NECTIN3: variants seen among roughly 807,000 people sequenced by gnomAD.
NECTIN3 encodes the protein nectin cell adhesion molecule 3.
In NECTIN3, 8 loss-of-function variants were observed where a neutral mutation model predicts 49.4. That is an observed-to-expected ratio of 0.16 (90% CI 0.10 to 0.29). The LOEUF (loss-of-function observed/expected upper bound fraction) is 0.29. Among genes scored for constraint, NECTIN3 ranks in the 10% least tolerant of loss-of-function variants. NECTIN3 has a pLI of 1.00. For missense variants in NECTIN3, 581 were observed against 654.6 expected, an observed-to-expected ratio of 0.89 and a Z score of 1.23; for synonymous variants, 277 against 241.1, an observed-to-expected ratio of 1.15 and a Z score of -1.38.
intron 7 of NECTIN3, among the ~76,000 whole-genome samples, chr3:111,156,068 G>A (rs569103132): frequency 2.0e-5 from 3 of 152,230 alleles, no homozygotes; most frequent in South Asian, 2.1e-4. Flanking sequence ...GTAGCCTGAC[G>A]TTGAGTTGCT....
rs1370606448 is a variant in NECTIN3 at position 111,126,229 on chromosome 3, T to G, written c.963T>G (p.Thr321=). 1 of 1,609,396 alleles carries G rather than the reference T, an allele frequency of 6.2e-7. No individual in the cohort carries two copies. The highest frequency in any genetic ancestry group is 2.0e-4 in the Middle Eastern group (1 of 4,898). Residue 321 remains threonine, a synonymous_variant, in exon 5 of 6, where the codon ACT becomes ACG. Transcript: ENST00000485303. ...ATGGTTTATTGGCTTCAGACAATAC[T>G]CTTCATTTTGTCCATCCATTGACTT... is the stretch of plus-strand genomic sequence containing the variant. ...WPDGLLASDN[T]LHFVHPLTFN... is the part of the protein sequence containing the mutation.
chr3:111,078,634 A>G (rs748718537), intron 1 of NECTIN3, among the ~76,000 whole-genome samples: 12 of 152,324 alleles, frequency 7.9e-5, no homozygotes, highest in Non-Finnish European at 1.6e-4. Context: ...AGAATACACT[A>G]TAGGAATATA....
At chr3:111,072,713 C>T in intron 1 of NECTIN3, 1 of 858,696 alleles carries the variant, frequency 1.2e-6, no homozygotes, top group Non-Finnish European at 1.8e-6. Context: ...TGTCTTGTGC[C>T]CACTCCCCCG....
chr3:111,122,599 G>T (rs2034001964), intron 4 of NECTIN3, among the ~76,000 whole-genome samples: 1 of 151,994 alleles, frequency 6.6e-6, no homozygotes, highest in African/African-American at 2.4e-5. Context: ...ACCTTTCATA[G>T]TCCAAACGAA....
chr3:111,077,065 T>C (rs2031253488), intron 1 of NECTIN3: 2 of 172,688 alleles, frequency 1.2e-5, no homozygotes, highest in Admixed American at 5.9e-5. Flanking sequence ...AACTTATCAA[T>C]TACAAATTTT....
chr3:111,094,221 G>A (rs968579560), intron 1 of NECTIN3, among the ~76,000 whole-genome samples: 15 of 151,750 alleles, frequency 9.9e-5, no homozygotes, highest in African/African-American at 3.1e-4. Flanking sequence ...TATATCACTT[G>A]TAATTTTTAT....
intron 1 of NECTIN3, among the ~76,000 whole-genome samples, chr3:111,097,148 T>G (rs1257303011): frequency 6.6e-6 from 1 of 152,184 alleles, no homozygotes; most frequent in Non-Finnish European, 1.5e-5. Context: ...ATCTGTTGTA[T>G]CAGCGTGACC....
intron 3 of NECTIN3, among the ~76,000 whole-genome samples, chr3:111,120,814 C>T (rs1294001608): frequency 6.6e-6 from 1 of 151,982 alleles, no homozygotes; most frequent in Non-Finnish European, 1.5e-5. Flanking sequence ...CAGCCCCATG[C>T]CCAACTTAAA....
At chr3:111,185,362 T>C (rs1210594922) in intron 7 of NECTIN3, among the ~76,000 whole-genome samples, 2 of 152,146 alleles carry the variant, frequency 1.3e-5, no homozygotes, top group African/African-American at 4.8e-5. Context: ...TATATGTATT[T>C]TTCCATGATC....
At chr3:111,107,698 G>A (rs2033245474) in intron 1 of NECTIN3, among the ~76,000 whole-genome samples, 1 of 152,138 alleles carries the variant, frequency 6.6e-6, no homozygotes, top group South Asian at 2.1e-4. Flanking sequence ...GAAAGTAGAG[G>A]GAGGAAGTAG....
At chr3:111,102,761 T>G (rs953164158) in intron 1 of NECTIN3, among the ~76,000 whole-genome samples, 4 of 152,216 alleles carry the variant, frequency 2.6e-5, no homozygotes, top group Non-Finnish European at 5.9e-5. Flanking sequence ...TGTTGTCTTC[T>G]AGGGTTTTTG....
At chr3:111,126,676 A>AT (rs770883151) in intron 5 of NECTIN3, among the ~76,000 whole-genome samples, 82 of 152,144 alleles carry the variant, frequency 5.4e-4, no homozygotes, top group Non-Finnish European at 9.3e-4. Flanking sequence ...ACAAATAGTG[A>AT]TTTTTTTCTT....
In NECTIN3 at chr3:111,133,628, C is replaced by G. The variant is rs1429062553; in HGVS notation, c.1070-7C>G. 6.2e-7 allele frequency: 1 copy of G among 1,608,426 alleles called. No individual in the cohort carries two copies. Among genetic ancestry groups the G allele is most frequent in the Non-Finnish European group, 8.5e-7 (1 of 1,177,160 alleles). On this transcript the variant is annotated splice_polypyrimidine_tract_variant and splice_region_variant and intron_variant, in intron 5 of 5. Transcript: ENST00000485303. ...TGTGTCTTCTCTATCTTTACTGTTT[C>G]CATTAGATCCTCCTACTACTACCAC...
chr3:111,193,362 C>T lies in NECTIN3; in HGVS notation c.63+949C>T, dbSNP rs187590805. 7.8e-6 allele frequency: 12 copies of T among 1,534,612 alleles called. No individual in the cohort carries two copies. The African/African-American group carries it at 8.2e-5, about 11-fold the overall frequency. ...CCCTAAGAGAGTCTACATCGACCCA[C>T]GAGAACATTATGTGTGATTTTTCTC... On this transcript the variant is annotated intron_variant, in intron 1 of 1. Coordinates refer to the NECTIN3 transcript ENST00000485506.
chr3:111,169,022 A>G (rs1036811632), intron 7 of NECTIN3, among the ~76,000 whole-genome samples: 1 of 151,996 alleles, frequency 6.6e-6, no homozygotes, highest in African/African-American at 2.4e-5. Flanking sequence ...TCACAAAGAA[A>G]GGAAATCCTA....
At chr3:111,176,294 C>G in intron 7 of NECTIN3, among the ~76,000 whole-genome samples, 1 of 152,202 alleles carries the variant, frequency 6.6e-6, no homozygotes, top group East Asian at 1.9e-4. Context: ...CCTACCTTCA[C>G]TGGAAGGATT....
intron 7 of NECTIN3, among the ~76,000 whole-genome samples, chr3:111,160,021 T>C (rs1328795286): frequency 2.0e-5 from 3 of 152,250 alleles, no homozygotes; most frequent in South Asian, 4.1e-4. Context: ...CCATTGTTTT[T>C]AACCATTCCT....
At chr3:111,184,949 A>G (rs928684426) in intron 7 of NECTIN3, among the ~76,000 whole-genome samples, 1 of 152,338 alleles carries the variant, frequency 6.6e-6, no homozygotes, top group East Asian at 1.9e-4. Context: ...GATGTCTCAC[A>G]TGTTCAGTGA....
upstream of NECTIN3, among the ~76,000 whole-genome samples, chr3:111,188,960 AGTG>A (rs1187844999): frequency 6.6e-6 from 1 of 152,196 alleles, no homozygotes; most frequent in African/African-American, 2.4e-5. Flanking sequence ...GCTCCCTTTC[AGTG>A]TTGACTGTAC....
Sources: allele counts gnomAD v4.1 joint callset (sites outside exome capture counted in the v4.1 genomes callset), GRCh38; gene constraint gnomAD v4.1.1; transcripts MANE v1.5; gene names NCBI Gene and HGNC (gene_info 2026-07-23, HGNC 2026-07-21).